KIF13B: variants seen among roughly 807,000 people sequenced by gnomAD.
KIF13B encodes kinesin-like protein KIF13B.
KIF13B carries 127 observed loss-of-function variants against 222.0 expected under a neutral mutation model. The observed-to-expected ratio is 0.57, with a 90% CI of 0.50 to 0.66. The LOEUF (loss-of-function observed/expected upper bound fraction) is 0.66. KIF13B is among the 30% of genes least tolerant of loss of function. The probability of loss-of-function intolerance (pLI) is 0.00; values close to 1 mark genes in which losing one functional copy is unlikely to be tolerated. For synonymous variants in KIF13B, 976 were observed against 919.0 expected, an observed-to-expected ratio of 1.06 and a Z score of -1.12; for missense variants, 2,173 against 2,379.0, an observed-to-expected ratio of 0.91 and a Z score of 1.80.
intron 2 of KIF13B, among the ~76,000 whole-genome samples, chr8:29,241,493 A>C (rs1453318026): frequency 6.6e-6 from 1 of 152,140 alleles, no homozygotes; most frequent in Non-Finnish European, 1.5e-5. Flanking sequence ...GGGTCTGAGG[A>C]CTCTTGGGGG....
chr8:29,240,657 C>T (rs141066889), intron 2 of KIF13B, among the ~76,000 whole-genome samples: 138 of 152,228 alleles, frequency 9.1e-4, no homozygotes, highest in Non-Finnish European at 1.6e-3. Context: ...TTTACCAGAA[C>T]GCGGGGTTCT....
chr8:29,165,917 C>T (rs886469374), intron 11 of KIF13B, 145 bp from the exon 12 acceptor site: 1 of 668,718 alleles, frequency 1.5e-6, no homozygotes, highest in Non-Finnish European at 2.5e-6. Context: ...GATTGTAGAT[C>T]GAAGTACCTC....
At chr8:29,130,686 T>G in intron 23 of KIF13B, 21 bp from the exon 24 acceptor site, 1 of 1,613,132 alleles carries the variant, frequency 6.2e-7, no homozygotes, top group South Asian at 1.1e-5. Flanking sequence ...AGCGAAGTTC[T>G]TGGAAAATCA....
intron 10 of KIF13B, among the ~76,000 whole-genome samples, chr8:29,173,693 C>A (rs554159617): frequency 6.6e-6 from 1 of 151,898 alleles, no homozygotes; most frequent in Admixed American, 6.6e-5. Flanking sequence ...CCTGTAATCC[C>A]GGCACTTCAG....
intron 37 of KIF13B, among the ~76,000 whole-genome samples, chr8:29,089,459 C>A (rs1586760318): frequency 6.6e-6 from 1 of 152,060 alleles, no homozygotes; most frequent in Non-Finnish European, 1.5e-5. Context: ...TTATTATAAT[C>A]TGTTCACATG....
At chr8:29,197,379 A>G (rs1046131679) in intron 2 of KIF13B, among the ~76,000 whole-genome samples, 2 of 150,910 alleles carry the variant, frequency 1.3e-5, no homozygotes, top group African/African-American at 2.4e-5. Flanking sequence ...TATACAGTCA[A>G]TGTAATCCTG....
At chr8:29,115,379 T>G (rs956600100) in intron 31 of KIF13B, among the ~76,000 whole-genome samples, 2 of 149,598 alleles carry the variant, frequency 1.3e-5, no homozygotes, top group East Asian at 2.0e-4. Context: ...CAGGCTGGAG[T>G]GCAACGGTGC....
intron 1 of KIF13B, among the ~76,000 whole-genome samples, chr8:29,249,430 TAAAAA>T (rs770545452): frequency 8.4e-6 from 1 of 118,776 alleles, no homozygotes; most frequent in African/African-American, 3.0e-5. Flanking sequence ...ACTCCGTCTT[TAAAAA>T]AAAAAAAAAA....
chr8:29,138,250 G>A (rs939028629), intron 21 of KIF13B, among the ~76,000 whole-genome samples: 2 of 152,188 alleles, frequency 1.3e-5, no homozygotes, highest in Admixed American at 6.5e-5. Context: ...TGGGAGAATC[G>A]CTTGAACCCA....
chr8:29,177,383 C>T, intron 9 of KIF13B, 83 bp downstream of exon 9: 2 of 1,040,358 alleles, frequency 1.9e-6, no homozygotes, highest in Non-Finnish European at 3.0e-6. Flanking sequence ...TTCAAATCAC[C>T]TTAATATTTT....
intron 10 of KIF13B, among the ~76,000 whole-genome samples, chr8:29,174,949 C>T (rs1812415859): frequency 6.6e-6 from 1 of 152,140 alleles, no homozygotes; most frequent in Admixed American, 6.6e-5. Context: ...ATGCTATGGA[C>T]TAAATCAGTA....
At chr8:29,261,934 T>C (rs1377995596) in intron 1 of KIF13B, among the ~76,000 whole-genome samples, 1 of 152,204 alleles carries the variant, frequency 6.6e-6, no homozygotes, top group Admixed American at 6.5e-5. Context: ...CTATAATTTC[T>C]ACATAAAAAT....
intron 35 of KIF13B, among the ~76,000 whole-genome samples, chr8:29,100,777 CG>C (rs1808751886): frequency 6.6e-6 from 1 of 152,076 alleles, no homozygotes. Context: ...GCCTGATCAG[CG>C]AAATGGGGAC....
intron 11 of KIF13B, 146 bp from the exon 12 acceptor site, chr8:29,165,918 G>A (rs112030944): frequency 1.2e-5 from 8 of 664,694 alleles, no homozygotes; most frequent in African/African-American, 5.4e-5. Flanking sequence ...ATTGTAGATC[G>A]AAGTACCTCG....
At position 29,125,924 on chromosome 8, in the gene KIF13B, T is replaced by C. The variant is rs548833482; in HGVS notation, c.3252+558A>G. 2.6e-5 allele frequency among the ~76,000 whole-genome samples: 4 copies of C among 152,040 alleles called. No individual in the cohort carries two copies. The South Asian group carries it at 6.2e-4, about 24-fold the overall frequency. Reference sequence around the variant, plus strand: ...GAATTCGGGACCAGCCGGGCCAACATTGTGAAACCCCGTCTCTAGTAAAGA... The same window carrying C: ...GAATTCGGGACCAGCCGGGCCAACACTGTGAAACCCCGTCTCTAGTAAAGA... On this transcript the variant is annotated intron_variant, in intron 26 of 39. Coordinates refer to ENST00000524189, the MANE Select transcript of KIF13B (RefSeq NM_015254.4).
At chr8:29,086,459 G>A (rs1458993619) in intron 37 of KIF13B, among the ~76,000 whole-genome samples, 2 of 151,976 alleles carry the variant, frequency 1.3e-5, no homozygotes, top group East Asian at 3.9e-4. Context: ...AGTTCAAGGC[G>A]GCAGTAAGCG....
chr8:29,256,904 A>T (rs2117175894), intron 1 of KIF13B, among the ~76,000 whole-genome samples: 1 of 152,170 alleles, frequency 6.6e-6, no homozygotes, highest in South Asian at 2.1e-4. Context: ...ACAGGCACTC[A>T]CCACCACACC....
intron 2 of KIF13B, among the ~76,000 whole-genome samples, chr8:29,241,543 A>G (rs1018623420): frequency 1.1e-4 from 17 of 152,112 alleles, no homozygotes; most frequent in Non-Finnish European, 2.5e-4. Flanking sequence ...GGTTGGGATT[A>G]TTTTCATAAC....
intron 2 of KIF13B, among the ~76,000 whole-genome samples, chr8:29,196,429 T>C (rs1482423621): frequency 6.6e-6 from 1 of 152,212 alleles, no homozygotes; most frequent in Admixed American, 6.5e-5. Context: ...ATCTCTCTGG[T>C]AGAAGGAGGA....
Sources: allele counts gnomAD v4.1 joint callset (sites outside exome capture counted in the v4.1 genomes callset), GRCh38; gene constraint gnomAD v4.1.1; transcripts MANE v1.5; gene names NCBI Gene and HGNC (gene_info 2026-07-23, HGNC 2026-07-21).